PHF24: variants seen among roughly 807,000 people sequenced by gnomAD.
The protein encoded by PHF24 is PHD finger protein 24, also known as Galpha inhibitory interacting protein.
A neutral mutation model predicts 42.6 loss-of-function variants in PHF24; 25 were observed. That is an observed-to-expected ratio of 0.59 (90% CI 0.43 to 0.82). The LOEUF (loss-of-function observed/expected upper bound fraction) is 0.82, where lower values mean the gene tolerates loss of function less well. Ranked by LOEUF, PHF24 falls within the 40% of genes least tolerant of loss-of-function variation. The probability of loss-of-function intolerance (pLI) is 0.00; values close to 1 mark genes in which losing one functional copy is unlikely to be tolerated. For missense variants in PHF24, 470 were observed against 538.1 expected, an observed-to-expected ratio of 0.87 and a Z score of 1.25; for synonymous variants, 185 against 204.8, an observed-to-expected ratio of 0.90 and a Z score of 0.83.
upstream of PHF24, among the ~76,000 whole-genome samples, chr9:34,953,360 A>G (rs1826303258): frequency 2.0e-5 from 3 of 152,166 alleles, no homozygotes; most frequent in Non-Finnish European, 4.4e-5. This position sits in a 1 kb window ranked among gnomAD's most constrained non-coding sequence, Gnocchi z 4.1. Flanking sequence ...TATGTTGACC[A>G]GTCTGGTCTC....
the PHF24 span, among the ~76,000 whole-genome samples, chr9:34,850,105 T>C: frequency 3.9e-5 from 6 of 152,350 alleles, no homozygotes; most frequent in African/African-American, 1.2e-4. Flanking sequence ...TCGAGGAGTA[T>C]CTTTATCGCG....
At chr9:34,917,920 G>A in the PHF24 span, 3 of 1,589,394 alleles carry the variant, frequency 1.9e-6, no homozygotes, top group Non-Finnish European at 2.6e-6. Flanking sequence ...AACTGGAATG[G>A]TGCAGGCTGC....
chr9:34,734,961 C>T, the PHF24 span, among the ~76,000 whole-genome samples: 1 of 152,166 alleles, frequency 6.6e-6, no homozygotes, highest in African/African-American at 2.4e-5. Context: ...GCCTGTTATG[C>T]ACTGACAGTA....
the PHF24 span, among the ~76,000 whole-genome samples, chr9:34,911,530 G>GT: frequency 1.3e-5 from 2 of 152,194 alleles, no homozygotes; most frequent in South Asian, 4.1e-4. Context: ...GGGATTACAG[G>GT]CGTGAGCCAC....
chr9:34,875,898 T>A, the PHF24 span, among the ~76,000 whole-genome samples: 1 of 147,824 alleles, frequency 6.8e-6, no homozygotes, highest in Non-Finnish European at 1.5e-5. Flanking sequence ...AAAGCTCGTC[T>A]CTCTCTCTTA....
At chr9:34,894,170 G>A in the PHF24 span, among the ~76,000 whole-genome samples, 1 of 152,152 alleles carries the variant, frequency 6.6e-6, no homozygotes, top group Admixed American at 6.5e-5. Flanking sequence ...GCAACCCTGT[G>A]TAGAGTCTTT....
the PHF24 span, among the ~76,000 whole-genome samples, chr9:34,923,212 A>G: frequency 6.6e-6 from 1 of 152,132 alleles, no homozygotes. Context: ...CCTAGGATGA[A>G]TCCCACTTGA....
At chr9:34,772,265 G>T in the PHF24 span, among the ~76,000 whole-genome samples, 2 of 152,280 alleles carry the variant, frequency 1.3e-5, no homozygotes, top group South Asian at 2.1e-4. Flanking sequence ...TTTCCTTAGA[G>T]ATATCGAAGG....
chr9:34,861,663 A>T, the PHF24 span, among the ~76,000 whole-genome samples: 1 of 152,252 alleles, frequency 6.6e-6, no homozygotes, highest in East Asian at 1.9e-4. Context: ...AGAATTAATT[A>T]GTCTATACTA....
At chr9:34,878,297 G>A in the PHF24 span, among the ~76,000 whole-genome samples, 6 of 152,162 alleles carry the variant, frequency 3.9e-5, no homozygotes, top group African/African-American at 7.2e-5. Context: ...AGCTCCCAGC[G>A]TGAGTGACAC....
the PHF24 span, chr9:34,728,036 G>T: frequency 6.4e-7 from 1 of 1,552,200 alleles, no homozygotes; most frequent in Non-Finnish European, 8.7e-7. Context: ...TAATGATGGA[G>T]AGCAGCTTCT....
the PHF24 span, among the ~76,000 whole-genome samples, chr9:34,748,865 A>G: frequency 6.6e-6 from 1 of 152,166 alleles, no homozygotes; most frequent in Non-Finnish European, 1.5e-5. Flanking sequence ...GAAATAAGGC[A>G]CCAGGGACCA....
At chr9:34,917,984 T>C in the PHF24 span, 1 of 1,381,324 alleles carries the variant, frequency 7.2e-7, no homozygotes, top group East Asian at 2.3e-5. Flanking sequence ...TGAAATACAC[T>C]GGGGAGGCCA....
the PHF24 span, among the ~76,000 whole-genome samples, chr9:34,742,267 AAAGT>A: frequency 2.0e-5 from 3 of 152,220 alleles, no homozygotes; most frequent in African/African-American, 7.2e-5. Context: ...TAAGTAGATT[AAAGT>A]CTCCCAAAGA....
the PHF24 span, among the ~76,000 whole-genome samples, chr9:34,850,814 A>G: frequency 6.6e-6 from 1 of 152,152 alleles, no homozygotes; most frequent in South Asian, 2.1e-4. Context: ...TTTCCTTCTA[A>G]CAGACAGTAC....
chr9:34,786,030 C>G, the PHF24 span, among the ~76,000 whole-genome samples: 1 of 152,162 alleles, frequency 6.6e-6, no homozygotes, highest in African/African-American at 2.4e-5. Flanking sequence ...ATTCCCATGC[C>G]TATTTTCTTT....
intron 1 of PHF24, among the ~76,000 whole-genome samples, chr9:34,969,263 A>G (rs960930790): frequency 2.0e-5 from 3 of 152,176 alleles, no homozygotes; most frequent in African/African-American, 7.2e-5. Context: ...CTTTAATTCA[A>G]CATATACAAA....
the PHF24 span, among the ~76,000 whole-genome samples, chr9:34,772,077 G>T: frequency 6.6e-6 from 1 of 152,166 alleles, no homozygotes; most frequent in South Asian, 2.1e-4. Context: ...CCTTACAAAG[G>T]TTTCAGCTCA....
the PHF24 span, chr9:34,689,743 G>A: frequency 6.4e-7 from 1 of 1,563,578 alleles, no homozygotes; most frequent in African/African-American, 1.4e-5. This position sits in a 1 kb window ranked among gnomAD's most constrained non-coding sequence, Gnocchi z 4.1. Flanking sequence ...CTTCCTTCTG[G>A]TCCTCGGTTC....
Sources: gnomAD v4.1 joint callset for allele counts (sites outside exome capture counted in the v4.1 genomes callset) on GRCh38, gnomAD v4.1.1 for gene constraint, Gnocchi (gnomAD v3.1) non-coding constraint, MANE v1.5 for transcripts, NCBI Gene and HGNC (gene_info 2026-07-23, HGNC 2026-07-21) for gene names.